SLX4IP: variants seen among roughly 807,000 people sequenced by gnomAD.
The protein encoded by SLX4IP is SLX4 interacting protein.
Under a neutral mutation model 32.9 loss-of-function variants are expected in SLX4IP, and 34 were observed. The ratio of observed to expected loss-of-function variants is 1.03; its 90% CI spans 0.79 to 1.38. The LOEUF is 1.38. SLX4IP is among the 40% of genes most tolerant of loss of function. The pLI is 0.00. For missense variants in SLX4IP, 444 were observed against 479.0 expected, an observed-to-expected ratio of 0.93 and a Z score of 0.68; for synonymous variants, 172 against 171.7, an observed-to-expected ratio of 1.00 and a Z score of -0.01.
chr20:10,497,600 A>C (rs1035669840), intron 2 of SLX4IP, among the ~76,000 whole-genome samples: 2 of 152,042 alleles, frequency 1.3e-5, no homozygotes, highest in African/African-American at 4.8e-5. Flanking sequence ...TCGGTTTCCT[A>C]TCAGCATTAT....
rs563976799 is a variant in SLX4IP, at chr20:10,626,959, G to T, written c.*3580G>T. 2.8e-4 allele frequency: 42 copies of T among 152,338 alleles called. No homozygotes were observed. The highest frequency in any genetic ancestry group is 5.4e-4 in the Non-Finnish European group (37 of 68,044). 9.4% of individuals were successfully genotyped at this position (152,338 alleles called of 1,614,324 possible). On this transcript the variant is annotated 3_prime_UTR_variant, in exon 8 of 8. Transcript: ENST00000334534. ...TGGTGTCATGTTTGGATTTTAGCAT[G>T]GTTTGTTATGCATGTCAGTGGCCTC...
At chr20:10,541,217 A>G (rs952573927) in intron 2 of SLX4IP, among the ~76,000 whole-genome samples, 7 of 152,178 alleles carry the variant, frequency 4.6e-5, no homozygotes, top group East Asian at 1.9e-4. Context: ...AAACAATTCT[A>G]TTGGATCAGC....
At chr20:10,595,838 T>C (rs1281401891) in intron 4 of SLX4IP, among the ~76,000 whole-genome samples, 3 of 152,228 alleles carry the variant, frequency 2.0e-5, no homozygotes, top group African/African-American at 7.2e-5. Context: ...CCAGTCGAAT[T>C]TGGATTAAGC....
intron 2 of SLX4IP, among the ~76,000 whole-genome samples, chr20:10,521,641 A>G (rs1007994104): frequency 6.6e-6 from 1 of 152,196 alleles, no homozygotes; most frequent in Non-Finnish European, 1.5e-5. Flanking sequence ...AATATTATTC[A>G]TGAGGACTAA....
intron 2 of SLX4IP, among the ~76,000 whole-genome samples, chr20:10,477,123 G>A (rs1422080046): frequency 6.6e-6 from 1 of 152,138 alleles, no homozygotes; most frequent in Non-Finnish European, 1.5e-5. Flanking sequence ...AGGTTCTAAA[G>A]ATACCAGTGT....
intron 6 of SLX4IP, among the ~76,000 whole-genome samples, chr20:10,616,428 A>C (rs1229350051): frequency 6.7e-6 from 1 of 150,368 alleles, no homozygotes; most frequent in African/African-American, 2.5e-5. Context: ...ATAAATAAAT[A>C]AATAAAATGT....
At chr20:10,546,598 G>T (rs2066165286) in intron 2 of SLX4IP, among the ~76,000 whole-genome samples, 1 of 151,980 alleles carries the variant, frequency 6.6e-6, no homozygotes, top group Non-Finnish European at 1.5e-5. Flanking sequence ...GGCTGGCATG[G>T]TGCAGAAGCC....
At chr20:10,441,710 G>C (rs1001009434) in intron 1 of SLX4IP, among the ~76,000 whole-genome samples, 3 of 147,650 alleles carry the variant, frequency 2.0e-5, no homozygotes, top group African/African-American at 7.4e-5. Context: ...TTCCAGTGTT[G>C]AATCTGACGT....
At chr20:10,536,629 G>T (rs2066047672) in intron 2 of SLX4IP, among the ~76,000 whole-genome samples, 1 of 152,176 alleles carries the variant, frequency 6.6e-6, no homozygotes, top group Admixed American at 6.5e-5. Flanking sequence ...AATAATGCCA[G>T]CCTGGCCACC....
At chr20:10,514,866 G>T (rs960619656) in intron 2 of SLX4IP, among the ~76,000 whole-genome samples, 1 of 152,082 alleles carries the variant, frequency 6.6e-6, no homozygotes, top group Admixed American at 6.6e-5. Flanking sequence ...TGTTGCATCC[G>T]CTGTATGTCA....
At chr20:10,442,860 G>T (rs1421121304) in intron 1 of SLX4IP, among the ~76,000 whole-genome samples, 1 of 152,176 alleles carries the variant, frequency 6.6e-6, no homozygotes. Context: ...GATGTTCCTT[G>T]ATTTAAAACT....
chr20:10,514,615 G>A (rs2065834954), intron 2 of SLX4IP, among the ~76,000 whole-genome samples: 1 of 152,204 alleles, frequency 6.6e-6, no homozygotes, highest in Non-Finnish European at 1.5e-5. Flanking sequence ...CCACTTGGGA[G>A]CCTTAATGTG....
intron 4 of SLX4IP, among the ~76,000 whole-genome samples, chr20:10,579,769 T>C (rs1568752033): frequency 1.3e-5 from 2 of 152,250 alleles, no homozygotes; most frequent in Non-Finnish European, 1.5e-5. Flanking sequence ...AATACTGCAC[T>C]GTCTTGATTA....
chr20:10,527,840 G>A (rs1472992856), intron 2 of SLX4IP, among the ~76,000 whole-genome samples: 3 of 152,088 alleles, frequency 2.0e-5, no homozygotes, highest in Non-Finnish European at 2.9e-5. Context: ...AAAGATTGAC[G>A]CACATTTAAG....
At chr20:10,546,646 A>C (rs1277198262) in intron 2 of SLX4IP, among the ~76,000 whole-genome samples, 1 of 152,168 alleles carries the variant, frequency 6.6e-6, no homozygotes, top group Non-Finnish European at 1.5e-5. Flanking sequence ...TCAAAATAAA[A>C]CCATGATGTA....
chr20:10,591,909 G>A (rs559596276), intron 4 of SLX4IP, among the ~76,000 whole-genome samples: 4 of 152,274 alleles, frequency 2.6e-5, no homozygotes, highest in African/African-American at 9.6e-5. Context: ...AATCTCTGAT[G>A]GGTCCCACAG....
intron 2 of SLX4IP, among the ~76,000 whole-genome samples, chr20:10,511,996 G>A (rs1600946199): frequency 6.6e-6 from 1 of 152,122 alleles, no homozygotes; most frequent in Admixed American, 6.5e-5. Context: ...TGAGATTATG[G>A]GATTGGAAAG....
rs116058009 is a variant in SLX4IP, at chr20:10,557,175, C to T, written c.117+855C>T. Among the ~76,000 whole-genome samples the T allele has an allele frequency of 1.1e-4, 17 of 152,140 alleles. No individual in the cohort carries two copies. The South Asian group carries it at 2.5e-3, about 22-fold the overall frequency. On this transcript the variant is annotated intron_variant, in intron 3 of 7. Coordinates refer to ENST00000334534, the MANE Select transcript of SLX4IP (RefSeq NM_001009608.3). Reference sequence around the variant, plus strand: ...AGATTTGTTAAAATATAGTATATGGCGAAGAAACTATTGACAGTGGTGAAA... The same window carrying T: ...AGATTTGTTAAAATATAGTATATGGTGAAGAAACTATTGACAGTGGTGAAA...
At chr20:10,530,194 C>G (rs150676944) in intron 2 of SLX4IP, among the ~76,000 whole-genome samples, 2 of 152,194 alleles carry the variant, frequency 1.3e-5, no homozygotes, top group Non-Finnish European at 2.9e-5. Context: ...CAGTCTCAGA[C>G]GTACTGGTTG....
Sources: gnomAD v4.1 joint callset for allele counts (sites outside exome capture counted in the v4.1 genomes callset) on GRCh38, gnomAD v4.1.1 for gene constraint, MANE v1.5 for transcripts, NCBI Gene and HGNC (gene_info 2026-07-23, HGNC 2026-07-21) for gene names.